The following TEKT5 variants were observed in gnomAD, a reference collection of about 807,000 sequenced individuals.
The protein encoded by TEKT5 is tektin 5.
Under a neutral mutation model 48.7 loss-of-function variants are expected in TEKT5, and 52 were observed. That is an observed-to-expected ratio of 1.07 (90% CI 0.86 to 1.35). The LOEUF (loss-of-function observed/expected upper bound fraction) is 1.35, where lower values mean the gene tolerates loss of function less well. Ranked by LOEUF, TEKT5 falls within the 40% of genes most tolerant of loss-of-function variation. The pLI, the probability that TEKT5 is intolerant of heterozygous loss-of-function variation, is 0.00. For synonymous variants in TEKT5, 318 were observed against 267.6 expected, an observed-to-expected ratio of 1.19 and a Z score of -1.84; for missense variants, 831 against 641.6, an observed-to-expected ratio of 1.30 and a Z score of -3.19.
intron 5 of TEKT5, among the ~76,000 whole-genome samples, chr16:10,658,550 G>A (rs1219934443): frequency 6.6e-6 from 1 of 152,004 alleles, no homozygotes; most frequent in African/African-American, 2.4e-5. Flanking sequence ...CAAATCTAAC[G>A]GCTGGTGATA....
In TEKT5 at chr16:10,694,624, C is replaced by T. The variant is rs562999098; in HGVS notation, c.250G>A (p.Ala84Thr). The change falls in exon 1 of 7, where the codon GCA becomes ACA. Residue 84 changes from alanine (A) to threonine (T), a missense_variant. Transcript: ENST00000283025. ...TGGGGGCTATAGCGAGAGAAGAGTG[C>T]GGAGCGCAGTGTGGGCAGGATGGTG... Reference protein sequence around the residue: ...PPTILPTLRSALFSRYSPHDW... With the variant: ...PPTILPTLRSTLFSRYSPHDW... 3.0e-5 allele frequency: 48 copies of T among 1,611,884 alleles called. No homozygotes were observed. Among genetic ancestry groups the T allele is most frequent in the African/African-American group, 2.8e-4 (21 of 75,034 alleles).
chr16:10,664,630 TCC>T, intron 5 of TEKT5, among the ~76,000 whole-genome samples: 1 of 152,346 alleles, frequency 6.6e-6, no homozygotes, highest in East Asian at 1.9e-4. Context: ...TCTGGGCAAT[TCC>T]AATGTGGCAC....
At chr16:10,631,452 G>A (rs1279464715) in intron 6 of TEKT5, among the ~76,000 whole-genome samples, 2 of 151,998 alleles carry the variant, frequency 1.3e-5, no homozygotes, top group African/African-American at 2.4e-5. Context: ...GGGGGCAAGA[G>A]TAGAGGCAGG....
chr16:10,660,212 A>ACTG (rs1248458389), intron 5 of TEKT5, among the ~76,000 whole-genome samples: 1 of 151,986 alleles, frequency 6.6e-6, no homozygotes, highest in African/African-American at 2.4e-5. Flanking sequence ...TTCCAGTGTA[A>ACTG]GGGGTCAAGA....
chr16:10,669,941 G>T (rs1898524881), intron 5 of TEKT5, among the ~76,000 whole-genome samples: 1 of 152,164 alleles, frequency 6.6e-6, no homozygotes, highest in African/African-American at 2.4e-5. Flanking sequence ...AGTGATACCT[G>T]GAGCCTCAAA....
Position 10,627,627 on chromosome 16 carries a change from G to C in TEKT5, c.1414C>G (p.Arg472Gly), listed in dbSNP as rs200170612. 3.1e-6 allele frequency: 5 copies of C among 1,614,102 alleles called. No homozygotes were observed. The South Asian group carries it at 3.3e-5, about 11-fold the overall frequency. The part of the protein sequence containing the change: ...CIDKEKCMGM[R>G]KTFPCTPRLV... ...CGCGGGGTGCAGGGGAAGGTCTTAC[G>C]CATGCCCATGCACTTCTCCTTGTCG... The change falls in exon 7 of 7, where the codon CGT becomes GGT. Residue 472 changes from arginine to glycine, a missense_variant. Arg to Gly is a moderately radical substitution (Grantham distance 125). Transcript: ENST00000283025.
intron 5 of TEKT5, among the ~76,000 whole-genome samples, chr16:10,662,271 C>CA (rs1166694153): frequency 6.6e-6 from 1 of 152,176 alleles, no homozygotes; most frequent in Non-Finnish European, 1.5e-5. Flanking sequence ...GAAATGGGGG[C>CA]AAAATCACCT....
Position 10,627,695 on chromosome 16 carries a change from C to A in TEKT5, c.1346G>T (p.Arg449Leu). ...CTTGATGGCGAGCTCGTGCTCCAGC[C>A]GGCACTTGGTCATGACCAGCAGCTG... ...TLQLLVMTKC[R>L]LEHELAIKAN... Residue 449 changes from arginine (R) to leucine (L), a missense_variant, in exon 7 of 7, where the codon CGG (arginine) becomes CTG (leucine). Transcript: ENST00000283025. The A allele has an allele frequency of 6.2e-7, 1 of 1,614,192 alleles. No individual in the cohort carries two copies. Among genetic ancestry groups the A allele is most frequent in the Non-Finnish European group, 8.5e-7 (1 of 1,180,044 alleles).
chr16:10,661,145 G>C (rs996456569), intron 5 of TEKT5, among the ~76,000 whole-genome samples: 2 of 152,222 alleles, frequency 1.3e-5, no homozygotes, highest in African/African-American at 4.8e-5. Flanking sequence ...TATTGGGCAT[G>C]GCTGTGCTCC....
At chr16:10,651,976 G>A (rs1898166825) in intron 5 of TEKT5, among the ~76,000 whole-genome samples, 1 of 151,572 alleles carries the variant, frequency 6.6e-6, no homozygotes, top group African/African-American at 2.4e-5. Flanking sequence ...AAATAAAAAA[G>A]ACAAGAGGAT....
intron 4 of TEKT5, 124 bp downstream of exon 4, chr16:10,681,869 C>A: frequency 3.8e-6 from 5 of 1,308,680 alleles, no homozygotes; most frequent in Non-Finnish European, 5.4e-6. Context: ...AGAGGATCCC[C>A]GTTCAACCAT....
At chr16:10,659,920 G>A (rs1898333433) in intron 5 of TEKT5, among the ~76,000 whole-genome samples, 1 of 152,076 alleles carries the variant, frequency 6.6e-6, no homozygotes, top group Non-Finnish European at 1.5e-5. Context: ...GCAGTGAATT[G>A]TTCACTTTAA....
rs541553170 is a variant in TEKT5, at chr16:10,691,670, C to T, written c.565-1645G>A. On this transcript the variant is annotated intron_variant, in intron 1 of 6. Transcript: ENST00000283025. ...ATTAAGATGTTAATTTCTGGGGGAC[C>T]AGACACGGTGGCTCACGCCTGTAAT... Among the ~76,000 whole-genome samples, 4 of 152,182 alleles carry T rather than the reference C, an allele frequency of 2.6e-5. No homozygotes were observed. In the South Asian group the frequency reaches 8.3e-4, roughly 32 times the overall value.
chr16:10,642,857 G>A (rs1180454226), intron 5 of TEKT5, among the ~76,000 whole-genome samples: 1 of 152,168 alleles, frequency 6.6e-6, no homozygotes, highest in Non-Finnish European at 1.5e-5. Flanking sequence ...GTGGGGGATA[G>A]AGAGTGAGTT....
At chr16:10,640,493 C>T (rs1014699223) in intron 5 of TEKT5, among the ~76,000 whole-genome samples, 4 of 151,694 alleles carry the variant, frequency 2.6e-5, no homozygotes, top group Non-Finnish European at 5.9e-5. Flanking sequence ...CAATAAATTA[C>T]ACGTTTAATG....
At chr16:10,632,523 T>G (rs1411653857) in intron 6 of TEKT5, among the ~76,000 whole-genome samples, 1 of 152,142 alleles carries the variant, frequency 6.6e-6, no homozygotes, top group African/African-American at 2.4e-5. Context: ...CTCGAACTCC[T>G]GGCCTCATGT....
At chr16:10,673,034 G>T (rs1458075437) in intron 5 of TEKT5, among the ~76,000 whole-genome samples, 1 of 152,124 alleles carries the variant, frequency 6.6e-6, no homozygotes, top group Admixed American at 6.5e-5. Context: ...GAGGCTCAGA[G>T]AAGTTAAGAA....
chr16:10,627,674 A>C lies in TEKT5; in HGVS notation c.1367T>G (p.Ile456Ser). 6.2e-7 allele frequency: 1 copy of C among 1,614,170 alleles called. No homozygotes were observed. Among genetic ancestry groups the C allele is most frequent in the Non-Finnish European group, 8.5e-7 (1 of 1,180,046 alleles). ...GTCGATGCAGAGGGTGTTGGCCTTG[A>C]TGGCGAGCTCGTGCTCCAGCCGGCA... ...TKCRLEHELA[I>S]KANTLCIDKE... Residue 456 changes from isoleucine to serine, a missense_variant, in exon 7 of 7, where the codon ATC becomes AGC. By Grantham distance (142) the Ile-to-Ser change is moderately radical (BLOSUM62 -2). Coordinates refer to ENST00000283025, the MANE Select transcript of TEKT5 (RefSeq NM_144674.2).
chr16:10,693,558 C>T (rs184714460), intron 1 of TEKT5, among the ~76,000 whole-genome samples: 46 of 152,328 alleles, frequency 3.0e-4, no homozygotes, highest in Admixed American at 2.2e-3. Context: ...AGGTGCCCTG[C>T]ACTGAATAGC....
Sources: gnomAD v4.1 joint callset for allele counts (sites outside exome capture counted in the v4.1 genomes callset) on GRCh38, gnomAD v4.1.1 for gene constraint, MANE v1.5 for transcripts, NCBI Gene and HGNC (gene_info 2026-07-23, HGNC 2026-07-21) for gene names.